ANKIB1: variants seen among roughly 807,000 people sequenced by gnomAD.
ANKIB1 encodes the protein ankyrin repeat and IBR domain-containing protein 1.
In ANKIB1, 43 loss-of-function variants were observed where a neutral mutation model predicts 122.1. That is an observed-to-expected ratio of 0.35 (90% CI 0.28 to 0.45). The LOEUF is 0.45. Among genes scored for constraint, ANKIB1 ranks in the 20% least tolerant of loss-of-function variants. The pLI, the probability that ANKIB1 is intolerant of heterozygous loss-of-function variation, is 1.00. For missense variants in ANKIB1, 992 were observed against 1,329.5 expected (o/e 0.75, Z 3.95); for synonymous variants, 390 against 442.0 (o/e 0.88, Z 1.48).
intron 18 of ANKIB1, 130 bp downstream of exon 18, chr7:92,396,606 GTGA>G (rs2115726814): frequency 3.3e-6 from 2 of 604,108 alleles, no homozygotes; most frequent in Admixed American, 6.4e-5. Flanking sequence ...TGTTTCTGTT[GTGA>G]CAGGACACAG....
intron 5 of ANKIB1, among the ~76,000 whole-genome samples, chr7:92,339,559 C>T (rs564977627): frequency 2.6e-5 from 4 of 152,070 alleles, no homozygotes; most frequent in African/African-American, 7.2e-5. Context: ...TTCATTTGTT[C>T]GTTCAACAGA....
intron 5 of ANKIB1, among the ~76,000 whole-genome samples, chr7:92,334,083 A>T (rs1803236482): frequency 6.6e-6 from 1 of 152,136 alleles, no homozygotes; most frequent in Non-Finnish European, 1.5e-5. Context: ...GCTAAGCTAA[A>T]GCAAATCTGG....
At chr7:92,323,314 A>G (rs971462506) in intron 4 of ANKIB1, among the ~76,000 whole-genome samples, 2 of 152,156 alleles carry the variant, frequency 1.3e-5, no homozygotes, top group Admixed American at 6.5e-5. Context: ...AGTTTGGACA[A>G]ATAAATGGTA....
intron 3 of ANKIB1, among the ~76,000 whole-genome samples, chr7:92,314,170 C>A (rs1234293670): frequency 2.0e-5 from 3 of 151,852 alleles, no homozygotes; most frequent in Admixed American, 2.0e-4. Flanking sequence ...TGGTGATGCA[C>A]GCCTGTAGTC....
chr7:92,246,288 G>A lies in ANKIB1; in HGVS notation c.-322G>A, dbSNP rs902437581. On this transcript the variant is annotated 5_prime_UTR_variant, in exon 1 of 20. Transcript: ENST00000265742. ...CCACCCAGTCTGAGCCTCGCCGCGG[G>A]CGCCTTCGGCTCACGCAGCGCTTCC... The A allele has an allele frequency of 2.5e-6, 1 of 404,746 alleles. No individual in the cohort carries two copies. The highest frequency in any genetic ancestry group is 8.0e-4 in the Middle Eastern group (1 of 1,254). 25.1% of individuals were successfully genotyped at this position (404,746 alleles called of 1,614,324 possible).
Position 92,295,158 on chromosome 7 carries a change from A to G in ANKIB1, c.180A>G (p.Lys60=). The G allele has an allele frequency of 6.5e-7, 1 of 1,546,972 alleles. No individual in the cohort carries two copies. The highest frequency in any genetic ancestry group is 8.7e-7 in the Non-Finnish European group (1 of 1,144,350). Residue 60 remains lysine (K), a synonymous_variant, in exon 2 of 20, where the codon AAA becomes AAG. Coordinates refer to ENST00000265742, the MANE Select transcript of ANKIB1 (RefSeq NM_019004.2). ...LHYAARHGMN[K]ILGTFLGRDG... ...ATGCTGCTAGACATGGAATGAATAA[A>G]ATATTAGGGTAAGTATTACTATAAA...
chr7:92,247,419 G>T (rs115012495), intron 1 of ANKIB1, among the ~76,000 whole-genome samples: 235 of 152,294 alleles, frequency 1.5e-3, no homozygotes, highest in African/African-American at 5.4e-3. Flanking sequence ...GACGTTTAAA[G>T]ATCATATTAG....
chr7:92,291,567 CTTTTTTTT>C (rs1188174295), intron 1 of ANKIB1, among the ~76,000 whole-genome samples: 2 of 116,522 alleles, frequency 1.7e-5, no homozygotes, highest in African/African-American at 6.2e-5. Context: ...TTTTCTTTTT[CTTTTTTTT>C]TTTTTTTTTT....
Position 92,391,193 on chromosome 7 carries a change from C to T in ANKIB1, c.2080C>T (p.Leu694Phe). Residue 694 changes from leucine (L) to phenylalanine (F), a missense_variant, in exon 16 of 20, where the codon CTT becomes TTT. Transcript: ENST00000265742. Reference protein sequence around the residue: ...QTDLEMVTEDLAQKVNRPYLR... With the variant: ...QTDLEMVTEDFAQKVNRPYLR... ...AGACCTAGAAATGGTCACTGAAGAC[C>T]TTGCCCAGAAAGTCAATAGGCCTTA... 1.2e-6 allele frequency: 2 copies of T among 1,612,264 alleles called. No individual in the cohort carries two copies. The highest frequency in any genetic ancestry group is 1.7e-6 in the Non-Finnish European group (2 of 1,179,082).
Position 92,246,437 on chromosome 7 carries a change from C to T in ANKIB1, c.-173C>T, listed in dbSNP as rs540103704. ...GGCTGGGTACCTGAGGTCACCAGCT[C>T]GGCTGTAGAGGCAGGGGCGGCGGAG... On this transcript the variant is annotated 5_prime_UTR_variant, in exon 1 of 20. Transcript: ENST00000265742. 7.7e-6 allele frequency: 4 copies of T among 517,424 alleles called. No individual in the cohort carries two copies. Among genetic ancestry groups the T allele is most frequent in the Admixed American group, 5.8e-5 (3 of 51,502 alleles). 32.1% of individuals were successfully genotyped at this position (517,424 alleles called of 1,614,324 possible).
At chr7:92,281,140 T>C (rs1026569634) in intron 1 of ANKIB1, among the ~76,000 whole-genome samples, 9 of 152,180 alleles carry the variant, frequency 5.9e-5, no homozygotes, top group African/African-American at 2.2e-4. Context: ...ACAATACTTA[T>C]GTAATTTACA....
chr7:92,321,966 C>T (rs1802921868), intron 4 of ANKIB1, among the ~76,000 whole-genome samples: 1 of 152,122 alleles, frequency 6.6e-6, no homozygotes, highest in African/African-American at 2.4e-5. Flanking sequence ...GCTCTCCTCC[C>T]CACCTTTTTT....
chr7:92,246,072 G>T lies in ANKIB1; in HGVS notation c.-538G>T. 1 of 282,418 alleles carries T rather than the reference G, an allele frequency of 3.5e-6. No homozygotes were observed. Among genetic ancestry groups the T allele is most frequent in the Non-Finnish European group, 6.8e-6 (1 of 146,408 alleles). 17.5% of individuals were successfully genotyped at this position (282,418 alleles called of 1,614,324 possible). ...GCGACTAGGAGACTAGGGTGGTGGC[G>T]GTGGGGGTGCCAGCGGCTGAGCCGG... On this transcript the variant is annotated 5_prime_UTR_variant, in exon 1 of 20. Transcript: ENST00000265742.
At position 92,335,564 on chromosome 7, in the gene ANKIB1, A is replaced by G. The variant is rs1320684381; in HGVS notation, c.788-7460A>G. 2.0e-5 allele frequency among the ~76,000 whole-genome samples: 3 copies of G among 152,106 alleles called. No homozygotes were observed. The East Asian group carries it at 5.8e-4, about 29-fold the overall frequency. Reference sequence around the variant, plus strand: ...TAATCTATTTTGAAACTCTCATATTAGGCTCATATACATTTATAATTATGT... The same window carrying G: ...TAATCTATTTTGAAACTCTCATATTGGGCTCATATACATTTATAATTATGT... On this transcript the variant is annotated intron_variant, in intron 5 of 19. Transcript: ENST00000265742.
intron 1 of ANKIB1, among the ~76,000 whole-genome samples, chr7:92,277,042 G>T (rs1801919757): frequency 6.6e-6 from 1 of 152,072 alleles, no homozygotes; most frequent in Non-Finnish European, 1.5e-5. Context: ...CTTCCCCCTT[G>T]CTCTTTCTCT....
At chr7:92,261,717 A>G (rs2066518702) in intron 1 of ANKIB1, among the ~76,000 whole-genome samples, 1 of 152,188 alleles carries the variant, frequency 6.6e-6, no homozygotes, top group Non-Finnish European at 1.5e-5. Context: ...CTAGTGCTTA[A>G]TAACTGCGTG....
intron 2 of ANKIB1, among the ~76,000 whole-genome samples, chr7:92,306,071 G>A (rs1802556094): frequency 1.3e-5 from 2 of 150,166 alleles, no homozygotes. Flanking sequence ...CAAGAGGGGA[G>A]GAGGTCTGTT....
At chr7:92,338,933 A>ATAT (rs1308730503) in intron 5 of ANKIB1, among the ~76,000 whole-genome samples, 1 of 21,918 alleles carries the variant, frequency 4.6e-5, no homozygotes, top group African/African-American at 1.8e-4. Flanking sequence ...AAAAAAAAAA[A>ATAT]ATATATATAT....
chr7:92,353,555 A>T (rs1244989546), intron 9 of ANKIB1, among the ~76,000 whole-genome samples: 1 of 152,198 alleles, frequency 6.6e-6, no homozygotes, highest in Admixed American at 6.5e-5. Context: ...CTTTACTTTT[A>T]TGCTTATCAG....
Sources: allele counts gnomAD v4.1 joint callset (sites outside exome capture counted in the v4.1 genomes callset), GRCh38; gene constraint gnomAD v4.1.1; transcripts MANE v1.5; gene names NCBI Gene and HGNC (gene_info 2026-07-23, HGNC 2026-07-21).